The following LMBRD1 variants were observed in gnomAD, a reference collection of about 807,000 sequenced individuals.
LMBRD1 encodes the protein lysosomal cobalamin transport escort protein LMBD1.
Under a neutral mutation model 74.8 loss-of-function variants are expected in LMBRD1, and 64 were observed. That is an observed-to-expected ratio of 0.86 (90% CI 0.70 to 1.05). LMBRD1 has a LOEUF of 1.05. Ranked by LOEUF, LMBRD1 falls within the 50% of genes least tolerant of loss-of-function variation. The pLI is 0.00. For missense variants in LMBRD1, 652 were observed against 645.9 expected (o/e 1.01, Z -0.10); for synonymous variants, 204 against 216.3 (o/e 0.94, Z 0.50).
intron 14 of LMBRD1, among the ~76,000 whole-genome samples, chr6:69,681,150 G>T (rs934542109): frequency 2.6e-5 from 4 of 151,920 alleles, no homozygotes; most frequent in African/African-American, 9.7e-5. Context: ...CTAAACATGG[G>T]GGAGGGGGGC....
intron 7 of LMBRD1, among the ~76,000 whole-genome samples, chr6:69,732,776 G>A (rs963241504): frequency 6.6e-6 from 1 of 152,032 alleles, no homozygotes; most frequent in Admixed American, 6.6e-5. Flanking sequence ...TGCTTCTATA[G>A]GCAGTTCACT....
intron 2 of LMBRD1, among the ~76,000 whole-genome samples, chr6:69,789,220 T>C (rs1257191132): frequency 6.6e-6 from 1 of 152,126 alleles, no homozygotes; most frequent in Non-Finnish European, 1.5e-5. Context: ...CAAAAATATT[T>C]TCAAATTATT....
chr6:69,722,929 G>C (rs984416379), intron 7 of LMBRD1, among the ~76,000 whole-genome samples: 1 of 152,122 alleles, frequency 6.6e-6, no homozygotes, highest in African/African-American at 2.4e-5. Context: ...CCATTGATCT[G>C]TTGCCTACAA....
chr6:69,739,549 A>G (rs1398902553), intron 6 of LMBRD1, among the ~76,000 whole-genome samples: 1 of 151,206 alleles, frequency 6.6e-6, no homozygotes, highest in South Asian at 2.1e-4. Context: ...TGCCAGGTAT[A>G]CACAAAAAAG....
intron 2 of LMBRD1, among the ~76,000 whole-genome samples, chr6:69,787,329 C>T (rs999978665): frequency 6.6e-6 from 1 of 151,924 alleles, no homozygotes. Flanking sequence ...ACCGAGCCGC[C>T]CAAAATGAGA....
chr6:69,723,835 A>G (rs1766668707), intron 7 of LMBRD1, among the ~76,000 whole-genome samples: 1 of 152,006 alleles, frequency 6.6e-6, no homozygotes, highest in Admixed American at 6.6e-5. Context: ...GAAATAAATG[A>G]ATTTGGAATA....
At chr6:69,720,364 AT>A (rs1486187520) in intron 7 of LMBRD1, among the ~76,000 whole-genome samples, 11 of 152,192 alleles carry the variant, frequency 7.2e-5, no homozygotes, top group Admixed American at 7.2e-4. Context: ...CACTTTAAAT[AT>A]TATTAAAACA....
intron 14 of LMBRD1, among the ~76,000 whole-genome samples, chr6:69,696,590 T>G (rs138277188): frequency 1.3e-5 from 2 of 152,162 alleles, no homozygotes; most frequent in African/African-American, 4.8e-5. Flanking sequence ...ACTTTATTCT[T>G]CTGCCTAGAA....
chr6:69,704,953 A>G (rs1766219508), intron 9 of LMBRD1, among the ~76,000 whole-genome samples: 1 of 142,638 alleles, frequency 7.0e-6, no homozygotes, highest in Non-Finnish European at 1.5e-5. Context: ...TCAGGCTATT[A>G]ATTTCTCTTT....
At chr6:69,771,807 G>A (rs935276641) in intron 3 of LMBRD1, among the ~76,000 whole-genome samples, 24 of 152,138 alleles carry the variant, frequency 1.6e-4, no homozygotes, top group East Asian at 5.8e-4. Context: ...GTAAAACAAG[G>A]GTGGAAAAGA....
At chr6:69,738,148 T>C in intron 6 of LMBRD1, 133 bp from the exon 7 acceptor site, 1 of 615,632 alleles carries the variant, frequency 1.6e-6, no homozygotes, top group Non-Finnish European at 2.9e-6. Context: ...TACCGTATTC[T>C]TGAAGTGCTA....
At chr6:69,696,380 A>G (rs985675520) in intron 14 of LMBRD1, among the ~76,000 whole-genome samples, 4 of 152,116 alleles carry the variant, frequency 2.6e-5, no homozygotes, top group African/African-American at 9.7e-5. Flanking sequence ...TATAACTGCT[A>G]TAATTAACTT....
At position 69,765,939 on chromosome 6, in the gene LMBRD1, T is replaced by A. The variant is rs1297947669; in HGVS notation, c.308-13583A>T. Among the ~76,000 whole-genome samples, 8 of 152,006 alleles carry A rather than the reference T, an allele frequency of 5.3e-5. No individual in the cohort carries two copies. The South Asian group carries it at 1.0e-3, about 20-fold the overall frequency. On this transcript the variant is annotated intron_variant, in intron 3 of 15. Transcript: ENST00000649934. ...TGTCTGTTTCTAGTTTTCATATCAA[T>A]CTTATACTTGTGATTCTGCTAACAT...
intron 5 of LMBRD1, among the ~76,000 whole-genome samples, chr6:69,747,169 G>T (rs1175160915): frequency 6.6e-6 from 1 of 152,128 alleles, no homozygotes; most frequent in Non-Finnish European, 1.5e-5. Flanking sequence ...AAGTCACAAG[G>T]GTGGGGCCCT....
intron 3 of LMBRD1, among the ~76,000 whole-genome samples, chr6:69,769,586 A>G (rs1327081485): frequency 6.6e-6 from 1 of 152,030 alleles, no homozygotes; most frequent in African/African-American, 2.4e-5. Context: ...CATGTTAGAC[A>G]ATATGTTGTA....
At chr6:69,790,704 T>C (rs913126672) in intron 1 of LMBRD1, 12 of 514,240 alleles carry the variant, frequency 2.3e-5, no homozygotes, top group East Asian at 3.6e-5. Flanking sequence ...TTAATAACAG[T>C]GCTCAGCTAC....
At chr6:69,737,663 T>A (rs938905858) in intron 7 of LMBRD1, among the ~76,000 whole-genome samples, 4 of 150,868 alleles carry the variant, frequency 2.7e-5, no homozygotes, top group Non-Finnish European at 4.4e-5. Flanking sequence ...GTATTATAAA[T>A]CTATTATATA....
In LMBRD1 at chr6:69,770,841, G is replaced by A. The variant is rs537844880; in HGVS notation, c.307+9653C>T. Among the ~76,000 whole-genome samples, 9 of 152,200 alleles carry A rather than the reference G, an allele frequency of 5.9e-5. No homozygotes were observed. In the South Asian group the frequency reaches 1.5e-3, roughly 25 times the overall value. On this transcript the variant is annotated intron_variant, in intron 3 of 15. Transcript: ENST00000649934. ...GGCTGTAAAGAAAAAAAATAGACTAGGATAAAATGAGCCAGAGATTGAAGG... is the reference window on the plus strand; with the variant it reads ...GGCTGTAAAGAAAAAAAATAGACTAAGATAAAATGAGCCAGAGATTGAAGG...
intron 7 of LMBRD1, among the ~76,000 whole-genome samples, chr6:69,734,843 A>C (rs555729678): frequency 6.6e-6 from 1 of 152,258 alleles, no homozygotes; most frequent in South Asian, 2.1e-4. Context: ...TAAGCTCTAC[A>C]TACATTTAGG....
Sources: gnomAD v4.1 joint callset for allele counts (sites outside exome capture counted in the v4.1 genomes callset) on GRCh38, gnomAD v4.1.1 for gene constraint, MANE v1.5 for transcripts, NCBI Gene and HGNC (gene_info 2026-07-23, HGNC 2026-07-21) for gene names.